The following SLIT3 variants were observed in gnomAD, a reference collection of about 807,000 sequenced individuals.
SLIT3 encodes slit guidance ligand 3.
Under a neutral mutation model 184.0 loss-of-function variants are expected in SLIT3, and 68 were observed. That is an observed-to-expected ratio of 0.37 (90% CI 0.30 to 0.45). The LOEUF (loss-of-function observed/expected upper bound fraction) is 0.45. Among genes scored for constraint, SLIT3 ranks in the 20% least tolerant of loss-of-function variants. The probability of loss-of-function intolerance (pLI) is 1.00; values close to 1 mark genes in which losing one functional copy is unlikely to be tolerated. For missense variants in SLIT3, 1,707 were observed against 2,026.0 expected (o/e 0.84, Z 3.02); for synonymous variants, 831 against 828.6 (o/e 1.00, Z -0.05).
intron 13 of SLIT3, among the ~76,000 whole-genome samples, chr5:168,773,162 T>C (rs561207023): frequency 1.3e-5 from 2 of 152,078 alleles, no homozygotes; most frequent in Admixed American, 6.5e-5. Context: ...GCAGCTAGCA[T>C]CTGGTCTGGG....
At chr5:168,734,766 T>C (rs1010327644) in intron 20 of SLIT3, among the ~76,000 whole-genome samples, 1 of 152,152 alleles carries the variant, frequency 6.6e-6, no homozygotes, top group Non-Finnish European at 1.5e-5. Context: ...GGCAGAATCA[T>C]GTCTGCTTGG....
At chr5:168,907,066 G>T (rs1196130423) in intron 4 of SLIT3, among the ~76,000 whole-genome samples, 5 of 152,138 alleles carry the variant, frequency 3.3e-5, no homozygotes, top group African/African-American at 1.2e-4. Context: ...TCACTGCATT[G>T]CCCAGGCTGG....
At chr5:169,098,065 A>C (rs1307378037) in intron 4 of SLIT3, among the ~76,000 whole-genome samples, 1 of 151,850 alleles carries the variant, frequency 6.6e-6, no homozygotes, top group Non-Finnish European at 1.5e-5. Flanking sequence ...GCAAAGAGAA[A>C]CTCTGACCCC....
chr5:168,839,102 C>T (rs1382653130), intron 6 of SLIT3, among the ~76,000 whole-genome samples: 1 of 152,156 alleles, frequency 6.6e-6, no homozygotes, highest in Non-Finnish European at 1.5e-5. Flanking sequence ...AAGAGCTCCT[C>T]AGAAGGTGAG....
At chr5:169,077,539 AAAAAAACAAAAAAC>A (rs562009328) in intron 4 of SLIT3, among the ~76,000 whole-genome samples, 1 of 149,592 alleles carries the variant, frequency 6.7e-6, no homozygotes, top group South Asian at 2.1e-4. Flanking sequence ...ACCCCGTCTC[AAAAAAACAAAAAAC>A]AAAAAACAAA....
chr5:169,275,580 G>T (rs923018599), intron 1 of SLIT3, among the ~76,000 whole-genome samples: 3 of 152,110 alleles, frequency 2.0e-5, no homozygotes, highest in African/African-American at 7.2e-5. Flanking sequence ...CACACGGTAG[G>T]GGCAGTCTCA....
chr5:169,143,876 G>T (rs573670502), intron 4 of SLIT3, among the ~76,000 whole-genome samples: 8 of 152,162 alleles, frequency 5.3e-5, no homozygotes, highest in Non-Finnish European at 8.8e-5. Flanking sequence ...GAGAAAGTGA[G>T]AGAGCACTCA....
At position 169,281,750 on chromosome 5, in the gene SLIT3, C is replaced by T. The variant is rs150657622; in HGVS notation, c.197+18763G>A. On this transcript the variant is annotated intron_variant, in intron 1 of 35. Transcript: ENST00000519560. ...ATAACCATCTCTGCTCCATGGACAT[C>T]TGCAAAAATTTCTGAGGGCACTACA... is the stretch of plus-strand genomic sequence containing the variant. 4.9e-3 allele frequency among the ~76,000 whole-genome samples: 747 copies of T among 152,332 alleles called. 4 individuals carry two copies. Among genetic ancestry groups the T allele is most frequent in the Middle Eastern group, 0.02 (6 of 294 alleles).
At chr5:169,148,513 T>G (rs1762007049) in intron 4 of SLIT3, among the ~76,000 whole-genome samples, 1 of 152,226 alleles carries the variant, frequency 6.6e-6, no homozygotes, top group African/African-American at 2.4e-5. Context: ...CTTCACAAAA[T>G]CATGCTCTTA....
intron 4 of SLIT3, among the ~76,000 whole-genome samples, chr5:169,105,727 A>T (rs907565511): frequency 3.3e-5 from 5 of 152,290 alleles, no homozygotes; most frequent in Non-Finnish European, 7.4e-5. Context: ...CTGTTCCTGC[A>T]TTAGTTTGCT....
chr5:169,013,717 G>T (rs1581304385), intron 4 of SLIT3, among the ~76,000 whole-genome samples: 1 of 152,182 alleles, frequency 6.6e-6, no homozygotes, highest in African/African-American at 2.4e-5. Flanking sequence ...CTCCTCGAAA[G>T]ACAAATGTAT....
intron 4 of SLIT3, among the ~76,000 whole-genome samples, chr5:169,069,399 A>G (rs558141102): frequency 1.6e-4 from 25 of 152,316 alleles, no homozygotes; most frequent in African/African-American, 5.8e-4. Context: ...TCACCGTCAC[A>G]GTCCTTTTAG....
At chr5:169,099,940 C>T (rs1175193147) in intron 4 of SLIT3, among the ~76,000 whole-genome samples, 7 of 152,330 alleles carry the variant, frequency 4.6e-5, no homozygotes, top group East Asian at 3.9e-4. Context: ...CTTATCTGAA[C>T]GAAAGCAGAC....
chr5:168,810,592 C>T (rs756950605), intron 8 of SLIT3, among the ~76,000 whole-genome samples: 6 of 152,206 alleles, frequency 3.9e-5, no homozygotes, highest in Non-Finnish European at 7.3e-5. Context: ...TGGCTCAATA[C>T]GCGTCTCCCC....
intron 4 of SLIT3, chr5:169,017,819 T>C (rs1756450744): frequency 6.6e-6 from 1 of 152,194 alleles, no homozygotes; most frequent in Non-Finnish European, 1.5e-5. Context: ...CTAAGTCTTC[T>C]TTGGTTTATT....
intron 4 of SLIT3, among the ~76,000 whole-genome samples, chr5:169,181,846 C>T (rs1400969870): frequency 6.6e-6 from 1 of 152,112 alleles, no homozygotes; most frequent in Admixed American, 6.5e-5. Flanking sequence ...AGAGATTAGT[C>T]ATAGGTTATC....
intron 5 of SLIT3, among the ~76,000 whole-genome samples, chr5:168,873,624 T>G (rs1759619892): frequency 6.6e-6 from 1 of 152,100 alleles, no homozygotes; most frequent in Non-Finnish European, 1.5e-5. Flanking sequence ...CGAGACTTAC[T>G]TTCTCTCTCT....
At chr5:168,714,534 G>T (rs1762658360) in intron 23 of SLIT3, among the ~76,000 whole-genome samples, 2 of 152,190 alleles carry the variant, frequency 1.3e-5, no homozygotes, top group South Asian at 4.1e-4. Flanking sequence ...AGTGAGCCAA[G>T]ATTGTGCCAT....
At chr5:168,691,385 CTTG>C (rs1289972291) in intron 29 of SLIT3, among the ~76,000 whole-genome samples, 2 of 152,210 alleles carry the variant, frequency 1.3e-5, no homozygotes, top group Non-Finnish European at 2.9e-5. Flanking sequence ...AGTCCTAAGT[CTTG>C]TTGTTTAGAA....
Sources: gnomAD v4.1 joint callset for allele counts (sites outside exome capture counted in the v4.1 genomes callset) on GRCh38, gnomAD v4.1.1 for gene constraint, MANE v1.5 for transcripts, NCBI Gene and HGNC (gene_info 2026-07-23, HGNC 2026-07-21) for gene names.